The following PSD3 variants were observed in gnomAD, a reference collection of about 807,000 sequenced individuals.
PSD3 encodes pleckstrin and Sec7 domain containing 3.
In PSD3, 49 loss-of-function variants were observed where a neutral mutation model predicts 105.5. The observed-to-expected ratio is 0.46, with a 90% confidence interval of 0.37 to 0.59. The LOEUF (loss-of-function observed/expected upper bound fraction) is 0.59, where lower values mean the gene tolerates loss of function less well. PSD3 is among the 20% of genes least tolerant of loss of function. The pLI, the probability that PSD3 is intolerant of heterozygous loss-of-function variation, is 0.00. For missense variants in PSD3, 1,561 were observed against 1,263.8 expected (o/e 1.24, Z -3.57); for synonymous variants, 557 against 457.8 (o/e 1.22, Z -2.77).
chr8:18,654,783 T>C (rs966342976), intron 10 of PSD3, among the ~76,000 whole-genome samples: 2 of 152,206 alleles, frequency 1.3e-5, no homozygotes, highest in Non-Finnish European at 2.9e-5. Flanking sequence ...CTTTATTCAA[T>C]CCATCATCTC....
At chr8:18,803,517 T>C (rs1810919731) in intron 6 of PSD3, among the ~76,000 whole-genome samples, 1 of 151,404 alleles carries the variant, frequency 6.6e-6, no homozygotes, top group Non-Finnish European at 1.5e-5. Flanking sequence ...GCAGCATTAA[T>C]CACAATAGCA....
chr8:18,831,801 A>C (rs1813702064), intron 4 of PSD3, among the ~76,000 whole-genome samples: 1 of 152,198 alleles, frequency 6.6e-6, no homozygotes, highest in Middle Eastern at 3.2e-3. Flanking sequence ...GTTGCAAATA[A>C]ATAAGCTATA....
chr8:18,762,660 TA>T (rs1206810614), intron 9 of PSD3, among the ~76,000 whole-genome samples: 5 of 152,148 alleles, frequency 3.3e-5, no homozygotes, highest in Non-Finnish European at 7.4e-5. Flanking sequence ...GTTATTTGAG[TA>T]AACAACGAAA....
intron 2 of PSD3, among the ~76,000 whole-genome samples, chr8:18,875,720 G>A (rs1817691740): frequency 6.6e-6 from 1 of 151,954 alleles, no homozygotes; most frequent in Non-Finnish European, 1.5e-5. Flanking sequence ...TATTTTTTTA[G>A]TAGAGACGGG....
chr8:18,857,434 A>C (rs962383095), intron 4 of PSD3, among the ~76,000 whole-genome samples: 6 of 152,156 alleles, frequency 3.9e-5, no homozygotes, highest in Non-Finnish European at 7.3e-5. Context: ...TGGGAGTAGC[A>C]AGGTGTTGAG....
At chr8:18,649,071 G>T (rs1383866744) in intron 10 of PSD3, among the ~76,000 whole-genome samples, 1 of 152,190 alleles carries the variant, frequency 6.6e-6, no homozygotes, top group African/African-American at 2.4e-5. Flanking sequence ...AGAAATGTGG[G>T]GTTGGTGCCC....
chr8:18,631,095 A>G (rs1373911656), intron 11 of PSD3, among the ~76,000 whole-genome samples: 3 of 151,994 alleles, frequency 2.0e-5, no homozygotes, highest in African/African-American at 7.2e-5. Flanking sequence ...GGGAATGAAC[A>G]CTATCAACAA....
chr8:18,721,013 A>G (rs1395620561), intron 9 of PSD3: 1 of 152,152 alleles, frequency 6.6e-6, no homozygotes, highest in Non-Finnish European at 1.5e-5. Context: ...GTGAACAAGG[A>G]GTTTACATCA....
chr8:19,082,728 T>C (rs534001995), intron 1 of PSD3, among the ~76,000 whole-genome samples: 15 of 152,270 alleles, frequency 9.9e-5, no homozygotes, highest in African/African-American at 3.6e-4. Context: ...TTTCAAGTCA[T>C]CAGGCCAGCA....
At chr8:18,709,372 G>A (rs1802103606) in intron 9 of PSD3, among the ~76,000 whole-genome samples, 1 of 152,186 alleles carries the variant, frequency 6.6e-6, no homozygotes, top group African/African-American at 2.4e-5. Context: ...TGACGGGAGG[G>A]GCGGCCACTG....
intron 10 of PSD3, among the ~76,000 whole-genome samples, chr8:18,639,471 A>T (rs1291605475): frequency 6.6e-6 from 1 of 152,188 alleles, no homozygotes; most frequent in Non-Finnish European, 1.5e-5. Context: ...CCACAAGAGA[A>T]ATTAAAGTAC....
intron 1 of PSD3, among the ~76,000 whole-genome samples, chr8:18,987,105 A>G (rs1158796693): frequency 6.6e-6 from 1 of 152,140 alleles, no homozygotes; most frequent in Non-Finnish European, 1.5e-5. Context: ...TTTGCAAACT[A>G]TACCTAATAA....
chr8:18,559,064 CCT>C (rs1278100728), intron 14 of PSD3, among the ~76,000 whole-genome samples: 4 of 151,624 alleles, frequency 2.6e-5, no homozygotes, highest in Non-Finnish European at 5.9e-5. Context: ...ATTTTTTTTC[CCT>C]GTTATAAATG....
chr8:18,593,322 C>T (rs1219226120), intron 12 of PSD3, among the ~76,000 whole-genome samples: 3 of 152,140 alleles, frequency 2.0e-5, no homozygotes, highest in African/African-American at 7.2e-5. Flanking sequence ...AGGATATGAA[C>T]AGACACTTCT....
At chr8:18,803,550 G>T (rs576915285) in intron 6 of PSD3, among the ~76,000 whole-genome samples, 1 of 151,972 alleles carries the variant, frequency 6.6e-6, no homozygotes, top group Non-Finnish European at 1.5e-5. Flanking sequence ...CAACCCAAGC[G>T]TGTCCTGAAG....
chr8:18,954,143 T>G (rs1439326861), intron 1 of PSD3, among the ~76,000 whole-genome samples: 1 of 152,014 alleles, frequency 6.6e-6, no homozygotes, highest in Non-Finnish European at 1.5e-5. Flanking sequence ...AAAAATATCT[T>G]AAGTCGAACC....
chr8:18,646,521 T>G (rs1282810857), intron 10 of PSD3, among the ~76,000 whole-genome samples: 1 of 152,068 alleles, frequency 6.6e-6, no homozygotes, highest in Non-Finnish European at 1.5e-5. Flanking sequence ...TTCTAAAAAG[T>G]ACACACAAGG....
intron 1 of PSD3, among the ~76,000 whole-genome samples, chr8:18,988,017 G>C (rs1350424828): frequency 6.9e-6 from 1 of 143,916 alleles, no homozygotes; most frequent in Non-Finnish European, 1.6e-5. Flanking sequence ...ACAAAACAAA[G>C]CCCTTAATTG....
At chr8:18,921,583 T>G (rs1434010288) in intron 2 of PSD3, among the ~76,000 whole-genome samples, 1 of 152,098 alleles carries the variant, frequency 6.6e-6, no homozygotes, top group African/African-American at 2.4e-5. Context: ...GGGAGTCTCT[T>G]TAAGAAAAAG....
Sources: gnomAD v4.1 joint callset for allele counts (sites outside exome capture counted in the v4.1 genomes callset) on GRCh38, gnomAD v4.1.1 for gene constraint, MANE v1.5 for transcripts, NCBI Gene and HGNC (gene_info 2026-07-23, HGNC 2026-07-21) for gene names.